The following KCNH8 variants were observed in gnomAD, a reference collection of about 807,000 sequenced individuals.
KCNH8 encodes the protein potassium voltage-gated channel subfamily H member 8, also known as voltage-gated delayed rectifier potassium channel KCNH8.
In KCNH8, 70 loss-of-function variants were observed where a neutral mutation model predicts 103.6. The ratio of observed to expected loss-of-function variants is 0.68; its 90% CI spans 0.56 to 0.82. The LOEUF (loss-of-function observed/expected upper bound fraction) is 0.82, where lower values mean the gene tolerates loss of function less well. Ranked by LOEUF, KCNH8 falls within the 40% of genes least tolerant of loss-of-function variation. The pLI, the probability that KCNH8 is intolerant of heterozygous loss-of-function variation, is 0.00. For missense variants in KCNH8, 1,217 were observed against 1,329.9 expected, an observed-to-expected ratio of 0.92 and a Z score of 1.32; for synonymous variants, 498 against 489.4, an observed-to-expected ratio of 1.02 and a Z score of -0.23.
At chr3:19,261,569 C>T (rs1353231301) in intron 2 of KCNH8, among the ~76,000 whole-genome samples, 3 of 151,524 alleles carry the variant, frequency 2.0e-5, no homozygotes, top group African/African-American at 7.3e-5. Flanking sequence ...TTGACTGTTT[C>T]CCTTGCTATG....
chr3:19,473,020 T>G (rs1233157459), intron 11 of KCNH8, among the ~76,000 whole-genome samples: 1 of 152,132 alleles, frequency 6.6e-6, no homozygotes, highest in Non-Finnish European at 1.5e-5. Context: ...TTTCTGGGAG[T>G]TCGGATTATT....
intron 3 of KCNH8, among the ~76,000 whole-genome samples, chr3:19,340,345 ATT>A (rs143924691): frequency 1.4e-5 from 2 of 144,896 alleles, no homozygotes; most frequent in African/African-American, 2.5e-5. Flanking sequence ...TATTTTTTTT[ATT>A]TTTTTTTTAA....
chr3:19,193,602 A>G (rs532488760), intron 1 of KCNH8, among the ~76,000 whole-genome samples: 1 of 151,844 alleles, frequency 6.6e-6, no homozygotes, highest in South Asian at 2.1e-4. Flanking sequence ...ATAATAGAAG[A>G]TGTTGTAAAA....
In KCNH8 at chr3:19,326,434, C is replaced by A. The variant is rs1173620051; in HGVS notation, c.443-16153C>A. The stretch of plus-strand genomic sequence containing the variant: ...GGTAATGGTGTTGATATTAACTAGA[C>A]ATGACCAGAGCCAAGGCTCTGCAAA... On this transcript the variant is annotated intron_variant, in intron 3 of 15. Transcript: ENST00000328405. Among the ~76,000 whole-genome samples, 3 of 149,562 alleles carry A rather than the reference C, an allele frequency of 2.0e-5. No individual in the cohort carries two copies. The South Asian group carries it at 6.3e-4, about 32-fold the overall frequency.
intron 1 of KCNH8, among the ~76,000 whole-genome samples, chr3:19,181,565 C>G (rs1421756783): frequency 6.6e-6 from 1 of 152,062 alleles, no homozygotes; most frequent in Non-Finnish European, 1.5e-5. Flanking sequence ...CTATGATTAC[C>G]ATGAGCAAAT....
At chr3:19,300,249 TAA>T (rs749359588) in intron 3 of KCNH8, among the ~76,000 whole-genome samples, 4 of 131,024 alleles carry the variant, frequency 3.1e-5, no homozygotes, top group South Asian at 2.4e-4. Context: ...ACTCTGTCTA[TAA>T]AAAAAAAAAA....
At chr3:19,207,380 T>C (rs1288665516) in intron 1 of KCNH8, among the ~76,000 whole-genome samples, 1 of 151,976 alleles carries the variant, frequency 6.6e-6, no homozygotes, top group Non-Finnish European at 1.5e-5. Context: ...ACACATAGTG[T>C]GTATTCAAAA....
chr3:19,429,030 C>T (rs570562531), intron 7 of KCNH8, among the ~76,000 whole-genome samples: 1 of 152,124 alleles, frequency 6.6e-6, no homozygotes, highest in Non-Finnish European at 1.5e-5. Flanking sequence ...CCAATCGCTT[C>T]ACCAGACGCT....
At chr3:19,237,947 A>G (rs2064086741) in intron 1 of KCNH8, among the ~76,000 whole-genome samples, 1 of 152,236 alleles carries the variant, frequency 6.6e-6, no homozygotes, top group African/African-American at 2.4e-5. Flanking sequence ...TATGTCCTAT[A>G]AATTTTATGG....
At chr3:19,482,258 A>G (rs2068102226) in intron 11 of KCNH8, among the ~76,000 whole-genome samples, 1 of 152,202 alleles carries the variant, frequency 6.6e-6, no homozygotes, top group South Asian at 2.1e-4. Flanking sequence ...TTTAACTACC[A>G]GGCCCCAGGG....
intron 5 of KCNH8, among the ~76,000 whole-genome samples, chr3:19,369,462 C>T (rs575630793): frequency 6.6e-6 from 1 of 152,068 alleles, no homozygotes; most frequent in East Asian, 1.9e-4. Flanking sequence ...TTGATTCTCT[C>T]CTTTCTCTCC....
intron 11 of KCNH8, among the ~76,000 whole-genome samples, chr3:19,495,562 A>G (rs1559356235): frequency 6.6e-6 from 1 of 152,070 alleles, no homozygotes; most frequent in African/African-American, 2.4e-5. Context: ...CCATTGGTCT[A>G]TATGTCTGGT....
intron 5 of KCNH8, among the ~76,000 whole-genome samples, chr3:19,348,849 ATAAT>A (rs1431804714): frequency 2.0e-5 from 3 of 152,112 alleles, no homozygotes; most frequent in African/African-American, 2.4e-5. Context: ...AGAAAAATAA[ATAAT>A]TAAGTGAGGC....
intron 3 of KCNH8, among the ~76,000 whole-genome samples, chr3:19,287,223 A>G (rs1183411615): frequency 6.6e-6 from 1 of 152,176 alleles, no homozygotes; most frequent in Non-Finnish European, 1.5e-5. Flanking sequence ...CGTTTGAGGA[A>G]CCAGGAGGAG....
chr3:19,502,241 A>C (rs1247397475), intron 11 of KCNH8, among the ~76,000 whole-genome samples: 2 of 151,644 alleles, frequency 1.3e-5, no homozygotes, highest in Non-Finnish European at 2.9e-5. Context: ...CTTCAAGGAG[A>C]ACTACAAACC....
At chr3:19,277,788 G>A (rs1385660079) in intron 2 of KCNH8, among the ~76,000 whole-genome samples, 1 of 152,006 alleles carries the variant, frequency 6.6e-6, no homozygotes, top group African/African-American at 2.4e-5. Context: ...CTCCACAATT[G>A]TATTTATCCA....
intron 1 of KCNH8, among the ~76,000 whole-genome samples, chr3:19,155,945 A>G (rs2063177093): frequency 1.3e-5 from 2 of 152,210 alleles, no homozygotes; most frequent in Admixed American, 1.3e-4. Context: ...GTCTTTGCTC[A>G]GTAAATATTT....
intron 15 of KCNH8, among the ~76,000 whole-genome samples, chr3:19,522,068 AT>A (rs1174603254): frequency 6.6e-6 from 1 of 151,860 alleles, no homozygotes; most frequent in African/African-American, 2.4e-5. Flanking sequence ...TTATCATTTT[AT>A]TTTGTGTATA....
chr3:19,214,660 C>G (rs2063801999), intron 1 of KCNH8, among the ~76,000 whole-genome samples: 1 of 152,174 alleles, frequency 6.6e-6, no homozygotes, highest in African/African-American at 2.4e-5. Context: ...TGTGTCTTTC[C>G]TGAGAGTATT....
Sources: gnomAD v4.1 joint callset for allele counts (sites outside exome capture counted in the v4.1 genomes callset) on GRCh38, gnomAD v4.1.1 for gene constraint, MANE v1.5 for transcripts, NCBI Gene and HGNC (gene_info 2026-07-23, HGNC 2026-07-21) for gene names.